Variants in DOCK1 observed in about 807,000 individuals in gnomAD.
The protein encoded by DOCK1 is dedicator of cytokinesis protein 1.
A neutral mutation model predicts 262.7 loss-of-function variants in DOCK1; 138 were observed. The observed-to-expected ratio is 0.53, with a 90% CI of 0.46 to 0.61. DOCK1 has a LOEUF of 0.61. Ranked by LOEUF, DOCK1 falls within the 20% of genes least tolerant of loss-of-function variation. The pLI, the probability that DOCK1 is intolerant of heterozygous loss-of-function variation, is 0.00. For synonymous variants in DOCK1, 866 were observed against 867.4 expected, an observed-to-expected ratio of 1.00 and a Z score of 0.03; for missense variants, 1,908 against 2,370.7, an observed-to-expected ratio of 0.80 and a Z score of 4.05.
intron 27 of DOCK1, chr10:127,136,602 A>C (rs1341772810): frequency 2.0e-5 from 3 of 152,680 alleles, no homozygotes; most frequent in African/African-American, 7.2e-5. Context: ...GCAAAGGTGC[A>C]AAGAAATGAG....
At chr10:127,253,147 A>G (rs184131294) in intron 28 of DOCK1, among the ~76,000 whole-genome samples, 2 of 152,286 alleles carry the variant, frequency 1.3e-5, no homozygotes, top group East Asian at 3.9e-4. Flanking sequence ...TACACTGGAG[A>G]TGCTGACCTG....
At chr10:127,004,388 G>A (rs1048506196) in intron 10 of DOCK1, among the ~76,000 whole-genome samples, 3 of 152,082 alleles carry the variant, frequency 2.0e-5, no homozygotes, top group Admixed American at 6.5e-5. Flanking sequence ...GGCACAAAAA[G>A]TAAATATCTT....
At chr10:127,214,952 C>G (rs1032840023) in intron 27 of DOCK1, among the ~76,000 whole-genome samples, 1 of 152,134 alleles carries the variant, frequency 6.6e-6, no homozygotes, top group African/African-American at 2.4e-5. Flanking sequence ...ATCTAAGTAT[C>G]CAGCCTGGTC....
In DOCK1 at chr10:127,061,684, G is replaced by A; in HGVS notation, c.2353G>A (p.Gly785Arg). 1 of 1,599,246 alleles carries A rather than the reference G, an allele frequency of 6.3e-7. No individual in the cohort carries two copies. Among genetic ancestry groups the A allele is most frequent in the Non-Finnish European group, 8.5e-7 (1 of 1,172,806 alleles). Residue 785 changes from glycine (G) to arginine (R), a missense_variant, in exon 23 of 52, where the codon GGA becomes AGA. Transcript: ENST00000623213. ...TCTTTGCAGACTGTATGAAAACAAGGGAGAGGCTGACTTCGTGGAATCTTT... is the reference window on the plus strand; with the variant it reads ...TCTTTGCAGACTGTATGAAAACAAGAGAGAGGCTGACTTCGTGGAATCTTT... ...ILFNQLYENKGEADFVESLLQ... is the reference protein window; with the variant it reads ...ILFNQLYENKREADFVESLLQ...
chr10:126,987,629 A>C lies in DOCK1; in HGVS notation c.324+12A>C. 1 of 1,548,230 alleles carries C rather than the reference A, an allele frequency of 6.5e-7. No homozygotes were observed. The highest frequency in any genetic ancestry group is 8.7e-7 in the Non-Finnish European group (1 of 1,143,892). On this transcript the variant is annotated intron_variant, in intron 5 of 51. Coordinates refer to ENST00000623213, the MANE Select transcript of DOCK1 (RefSeq NM_001290223.2). ...GGCAGCTCTACGTGGTGAGAAAATG[A>C]GATATTCATTCAAAGCTTAGAAATA...
chr10:127,050,892 T>C (rs543944481), intron 21 of DOCK1, among the ~76,000 whole-genome samples: 2 of 152,298 alleles, frequency 1.3e-5, no homozygotes, highest in African/African-American at 4.8e-5. Context: ...AGATCTATTA[T>C]CATTTGAACT....
intron 48 of DOCK1, among the ~76,000 whole-genome samples, chr10:127,436,402 C>G (rs1276865039): frequency 6.6e-6 from 1 of 152,110 alleles, no homozygotes; most frequent in Non-Finnish European, 1.5e-5. Flanking sequence ...CCTGTAGTCT[C>G]AGCTACCTGG....
intron 2 of DOCK1, among the ~76,000 whole-genome samples, chr10:126,975,294 TGCC>T (rs1484137232): frequency 6.6e-6 from 1 of 152,184 alleles, no homozygotes; most frequent in Non-Finnish European, 1.5e-5. Flanking sequence ...AAGATCAAGC[TGCC>T]CTGAGCATCC....
Position 127,447,376 on chromosome 10 carries a change from T to C in DOCK1, c.5414-18T>C. The C allele has an allele frequency of 1.2e-6, 2 of 1,607,840 alleles. No individual in the cohort carries two copies. The highest frequency in any genetic ancestry group is 1.7e-6 in the Non-Finnish European group (2 of 1,177,120). ...GTGGGGAAGTCGGGCTGATTTTAAA[T>C]AGATCCCGGTTTTCCAGGCTTGGAG... is the stretch of plus-strand genomic sequence containing the variant. On this transcript the variant is annotated intron_variant, in intron 50 of 51. Transcript: ENST00000623213.
At chr10:127,363,335 C>T (rs1035773239) in intron 33 of DOCK1, among the ~76,000 whole-genome samples, 4 of 152,168 alleles carry the variant, frequency 2.6e-5, no homozygotes, top group Non-Finnish European at 4.4e-5. Flanking sequence ...CATGGTGAGA[C>T]TCCGTCTCTA....
rs1406594932 is a variant in DOCK1, at chr10:127,175,495, AGGGCGCCT to A, written c.2847+47734_2847+47741del. On this transcript the variant is annotated intron_variant, in intron 27 of 51. Coordinates refer to ENST00000623213, the MANE Select transcript of DOCK1 (RefSeq NM_001290223.2). This position sits in a 1 kb window ranked among gnomAD's most constrained non-coding sequence, Gnocchi z 6.3. ...GGTGAGCAGGCCAGGGCAGTTTCCG[AGGGCGCCT>A]GGAGCCCGTTGAGATGTGTGGCTCT... The A allele has an allele frequency of 4.4e-6, 7 of 1,608,780 alleles. No individual in the cohort carries two copies. The highest frequency in any genetic ancestry group is 5.9e-6 in the Non-Finnish European group (7 of 1,179,976).
At chr10:127,400,248 T>G (rs1482974225) in intron 38 of DOCK1, among the ~76,000 whole-genome samples, 1 of 151,668 alleles carries the variant, frequency 6.6e-6, no homozygotes, top group East Asian at 1.9e-4. Flanking sequence ...TTGGGAGCAT[T>G]TAAGTAAAAC....
Position 127,175,684 on chromosome 10 carries a change from C to G in DOCK1, c.2847+47920C>G. On this transcript the variant is annotated intron_variant, in intron 27 of 51. Transcript: ENST00000623213. The surrounding 1 kb of genome is among the most constrained non-coding windows in gnomAD (Gnocchi z 6.3). ...CTGAGGGCAGGTGGAGCGGGCTCCT[C>G]GGAGTTTGGCCTCCCCCGGTCCTGC... is the stretch of plus-strand genomic sequence containing the variant. 2 of 1,613,742 alleles carry G rather than the reference C, an allele frequency of 1.2e-6. No homozygotes were observed. Among genetic ancestry groups the G allele is most frequent in the Non-Finnish European group, 1.7e-6 (2 of 1,179,962 alleles).
Position 126,981,937 on chromosome 10 carries a change from A to G in DOCK1, c.191A>G (p.Tyr64Cys), listed in dbSNP as rs2039013068. ...CCAAAGGGTATATTTCCTGCTTCAT[A>G]TATTCATCTTAAAGAAGCGATAGTT... is the stretch of plus-strand genomic sequence containing the variant. ...KSKKGIFPASYIHLKEAIVEG... is the reference protein window; with the variant it reads ...KSKKGIFPASCIHLKEAIVEG... Residue 64 changes from tyrosine (Y) to cysteine (C), a missense_variant, in exon 4 of 52, where the codon TAT (tyrosine) becomes TGT (cysteine). Tyr to Cys is a radical substitution (Grantham distance 194). Transcript: ENST00000623213. 2 of 1,613,246 alleles carry G rather than the reference A, an allele frequency of 1.2e-6. No individual in the cohort carries two copies. The highest frequency in any genetic ancestry group is 1.1e-5 in the South Asian group (1 of 90,946).
At chr10:126,956,091 C>T (rs1204862779) in intron 1 of DOCK1, among the ~76,000 whole-genome samples, 1 of 152,184 alleles carries the variant, frequency 6.6e-6, no homozygotes, top group Admixed American at 6.5e-5. Context: ...TATGGAAATG[C>T]CCGCGTCTCT....
chr10:127,274,763 T>A (rs1016920446), intron 29 of DOCK1, among the ~76,000 whole-genome samples: 2 of 152,220 alleles, frequency 1.3e-5, no homozygotes, highest in Non-Finnish European at 2.9e-5. Context: ...GCAGTGTTTC[T>A]CAACCCTGTT....
At chr10:127,030,706 A>G (rs376835682) in intron 16 of DOCK1, among the ~76,000 whole-genome samples, 2 of 152,232 alleles carry the variant, frequency 1.3e-5, no homozygotes, top group African/African-American at 4.8e-5. Flanking sequence ...GCAGTAAAAC[A>G]AAAGGTCACT....
intron 36 of DOCK1, 27 bp downstream of exon 36, chr10:127,380,149 T>G (rs1198760997): frequency 7.0e-7 from 1 of 1,425,130 alleles, no homozygotes; most frequent in East Asian, 2.5e-5. Flanking sequence ...CTTGTCTGCA[T>G]GTTAATTATA....
At chr10:126,992,113 G>A (rs1773396423) in intron 6 of DOCK1, among the ~76,000 whole-genome samples, 1 of 152,164 alleles carries the variant, frequency 6.6e-6, no homozygotes, top group African/African-American at 2.4e-5. Context: ...TAGAAATGCT[G>A]TAGGAGAGAT....
Sources: allele counts gnomAD v4.1 joint callset (sites outside exome capture counted in the v4.1 genomes callset), GRCh38; gene constraint gnomAD v4.1.1; non-coding constraint Gnocchi (gnomAD v3.1); transcripts MANE v1.5; gene names NCBI Gene and HGNC (gene_info 2026-07-23, HGNC 2026-07-21).